The following LRP2 variants were observed in gnomAD, a reference collection of about 807,000 sequenced individuals.
The protein encoded by LRP2 is LDL receptor related protein 2, also known as low-density lipoprotein receptor-related protein 2.
In LRP2, 172 loss-of-function variants were observed where a neutral mutation model predicts 531.0. The ratio of observed to expected loss-of-function variants is 0.32; its 90% CI spans 0.29 to 0.37. LRP2 has a LOEUF of 0.37. Among genes scored for constraint, LRP2 ranks in the 10% least tolerant of loss-of-function variants. The pLI, the probability that LRP2 is intolerant of heterozygous loss-of-function variation, is 1.00. For missense variants in LRP2, 5,167 were observed against 5,868.3 expected, an observed-to-expected ratio of 0.88 and a Z score of 3.90; for synonymous variants, 1,992 against 2,027.6, an observed-to-expected ratio of 0.98 and a Z score of 0.47.
At position 169,243,447 on chromosome 2, in the gene LRP2, T is replaced by A. The variant is rs1689886315; in HGVS notation, c.3506A>T (p.Asp1169Val). ...TCCATCAACACAATCCTTGTCACCA[T>A]CACAGACAAACGATAGGTCAATACA... ...HRCIDLSFVC[D>V]GDKDCVDGSD... The change falls in exon 23 of 79, where the codon GAT (aspartate) becomes GTT (valine). Residue 1169 changes from aspartate (D) to valine (V), a missense_variant. Asp to Val is a radical substitution (Grantham distance 152). Transcript: ENST00000649046. 6.2e-7 allele frequency: 1 copy of A among 1,614,146 alleles called. No homozygotes were observed. The highest frequency in any genetic ancestry group is 8.5e-7 in the Non-Finnish European group (1 of 1,179,986).
intron 1 of LRP2, among the ~76,000 whole-genome samples, chr2:169,327,694 C>T (rs1296944211): frequency 8.3e-6 from 1 of 120,198 alleles, no homozygotes; most frequent in Non-Finnish European, 1.8e-5. Context: ...GCCGACCCAT[C>T]CGGGAGGGAG....
chr2:169,326,819 C>T (rs1158080679), intron 1 of LRP2, among the ~76,000 whole-genome samples: 1 of 151,540 alleles, frequency 6.6e-6, no homozygotes, highest in Non-Finnish European at 1.5e-5. Context: ...AGGAGCGTCT[C>T]TGCCCGGCCG....
At chr2:169,183,125 A>T (rs1390793845) in intron 50 of LRP2, among the ~76,000 whole-genome samples, 1 of 152,204 alleles carries the variant, frequency 6.6e-6, no homozygotes, top group Non-Finnish European at 1.5e-5. Flanking sequence ...TGAGAAGGTC[A>T]TTTAGGATTT....
chr2:169,208,494 T>C (rs1300910406), intron 38 of LRP2, among the ~76,000 whole-genome samples: 1 of 152,190 alleles, frequency 6.6e-6, no homozygotes, highest in East Asian at 1.9e-4. Flanking sequence ...TCTCAGTCTG[T>C]CACCCAGGCT....
At position 169,191,998 on chromosome 2, in the gene LRP2, C is replaced by T. The variant is rs571087190; in HGVS notation, c.8866G>A (p.Val2956Ile). ...QNCSDSEFLCVNDRPPDRRCI... is the reference protein window; with the variant it reads ...QNCSDSEFLCINDRPPDRRCI... ...CTCCTGTCCGGAGGTCTGTCATTTA[C>T]ACAGAGAAACTCGGAATCCGAGCAG... Residue 2956 changes from valine (V) to isoleucine (I), a missense_variant, in exon 48 of 79, where the codon GTA becomes ATA. Transcript: ENST00000649046. 3.1e-6 allele frequency: 5 copies of T among 1,613,600 alleles called. No homozygotes were observed. The Admixed American group carries it at 6.7e-5, about 22-fold the overall frequency.
chr2:169,153,512 G>A (rs1686219201), intron 66 of LRP2, among the ~76,000 whole-genome samples: 1 of 152,216 alleles, frequency 6.6e-6, no homozygotes, highest in African/African-American at 2.4e-5. Context: ...TGTATTGCAT[G>A]AATATGTGTG....
intron 9 of LRP2, among the ~76,000 whole-genome samples, chr2:169,287,851 T>TTTA (rs899303570): frequency 2.2e-5 from 2 of 90,378 alleles, no homozygotes; most frequent in Non-Finnish European, 4.9e-5. Flanking sequence ...ATTTTAATAT[T>TTTA]TTAATATTAA....
chr2:169,197,082 C>T, intron 45 of LRP2, 52 bp from the exon 46 acceptor site: 1 of 1,605,322 alleles, frequency 6.2e-7, no homozygotes, highest in Non-Finnish European at 8.5e-7. Flanking sequence ...AGCATGTTCC[C>T]ATCAGTCTTA....
intron 16 of LRP2, among the ~76,000 whole-genome samples, chr2:169,269,218 A>C (rs1291049732): frequency 6.6e-6 from 1 of 152,216 alleles, no homozygotes; most frequent in Non-Finnish European, 1.5e-5. Context: ...CCATCAAGCT[A>C]CCAATGACTT....
chr2:169,193,511 A>G (rs947116703), intron 47 of LRP2, among the ~76,000 whole-genome samples: 2 of 151,374 alleles, frequency 1.3e-5, no homozygotes, highest in African/African-American at 4.8e-5. Context: ...TCCCCTAGAA[A>G]TGTAGGACAT....
intron 16 of LRP2, 142 bp from the exon 17 acceptor site, chr2:169,259,359 A>C (rs1690446652): frequency 3.1e-6 from 2 of 636,604 alleles, no homozygotes; most frequent in African/African-American, 3.7e-5. Flanking sequence ...AAAAAAAAAA[A>C]AAAAAAACTC....
In LRP2 at chr2:169,181,624, A is replaced by C. The variant is rs767794176; in HGVS notation, c.9999-6T>G. 6.8e-6 allele frequency: 11 copies of C among 1,614,064 alleles called. No homozygotes were observed. The Admixed American group carries it at 1.8e-4, about 27-fold the overall frequency. On this transcript the variant is annotated splice_polypyrimidine_tract_variant and splice_region_variant and intron_variant, in intron 51 of 78. Coordinates refer to ENST00000649046, the MANE Select transcript of LRP2 (RefSeq NM_004525.3). ...AGTCTGCCCAGTAGAGGTACCTGTC[A>C]GGGCAAACACAAAGGGTCAGTCCCT...
intron 21 of LRP2, among the ~76,000 whole-genome samples, chr2:169,245,484 C>A (rs1689973434): frequency 6.6e-6 from 1 of 152,160 alleles, no homozygotes; most frequent in Admixed American, 6.5e-5. Flanking sequence ...GAAAAATGTA[C>A]AAGTGAGCAC....
Position 169,191,930 on chromosome 2 carries a change from A to G in LRP2, c.8934T>C (p.Cys2978=). The change falls in exon 48 of 79, where the codon TGT becomes TGC. Residue 2978 remains cysteine, a synonymous_variant. Transcript: ENST00000649046. The part of the protein sequence containing the change: ...QSWVCDGDVD[C]TDGYDENQNC... ...TCTGATTCTCATCGTAGCCGTCAGT[A>G]CAATCCACATCGCCATCACAGACCC... 6.2e-7 allele frequency: 1 copy of G among 1,614,198 alleles called. No individual in the cohort carries two copies. Among genetic ancestry groups the G allele is most frequent in the Non-Finnish European group, 8.5e-7 (1 of 1,180,016 alleles).
chr2:169,307,444 AC>A, intron 3 of LRP2, 47 bp from the exon 4 acceptor site: 1 of 1,083,516 alleles, frequency 9.2e-7, no homozygotes. Context: ...ATTGCTAGAC[AC>A]AGACTAATCT....
At chr2:169,309,765 T>A (rs1390942488) in intron 3 of LRP2, among the ~76,000 whole-genome samples, 3 of 152,182 alleles carry the variant, frequency 2.0e-5, no homozygotes, top group Non-Finnish European at 4.4e-5. Flanking sequence ...GTGAAGAAAG[T>A]CATTGGTAGC....
chr2:169,357,974 T>C lies in LRP2; in HGVS notation c.79+4347A>G, dbSNP rs146253057. 1.1e-4 allele frequency among the ~76,000 whole-genome samples: 17 copies of C among 152,202 alleles called. No individual in the cohort carries two copies. The South Asian group carries it at 2.1e-3, about 19-fold the overall frequency. Reference sequence around the variant, plus strand: ...AATTTGAAAAATGGATCTGGAGGTATGGTCTTTGGGAGTAGGGGCACTGAC... The same window carrying C: ...AATTTGAAAAATGGATCTGGAGGTACGGTCTTTGGGAGTAGGGGCACTGAC... On this transcript the variant is annotated intron_variant, in intron 1 of 78. Coordinates refer to ENST00000649046, the MANE Select transcript of LRP2 (RefSeq NM_004525.3).
chr2:169,141,087 G>C (rs1685703312), intron 71 of LRP2, among the ~76,000 whole-genome samples: 1 of 152,184 alleles, frequency 6.6e-6, no homozygotes, highest in Admixed American at 6.5e-5. Context: ...CCTGCTCCCA[G>C]CTAGGCCTGT....
intron 4 of LRP2, among the ~76,000 whole-genome samples, chr2:169,294,973 C>T (rs1375391210): frequency 6.6e-6 from 1 of 152,272 alleles, no homozygotes; most frequent in South Asian, 2.1e-4. Flanking sequence ...TGTGAGACTG[C>T]ATAGCAGAGA....
Sources: gnomAD v4.1 joint callset for allele counts (sites outside exome capture counted in the v4.1 genomes callset) on GRCh38, gnomAD v4.1.1 for gene constraint, MANE v1.5 for transcripts, NCBI Gene and HGNC (gene_info 2026-07-23, HGNC 2026-07-21) for gene names.